ARHGAP42: variants seen among roughly 807,000 people sequenced by gnomAD.
The protein encoded by ARHGAP42 is rho GTPase-activating protein 42.
Under a neutral mutation model 125.0 loss-of-function variants are expected in ARHGAP42, and 63 were observed. The observed-to-expected ratio is 0.50, with a 90% CI of 0.41 to 0.62. The LOEUF is 0.62. Among genes scored for constraint, ARHGAP42 ranks in the 20% least tolerant of loss-of-function variants. ARHGAP42 has a pLI of 0.00. For missense variants in ARHGAP42, 766 were observed against 1,024.2 expected, an observed-to-expected ratio of 0.75 and a Z score of 3.44; for synonymous variants, 339 against 351.0, an observed-to-expected ratio of 0.97 and a Z score of 0.38.
chr11:100,822,420 T>G, intron 3 of ARHGAP42, among the ~76,000 whole-genome samples: 1 of 152,102 alleles, frequency 6.6e-6, no homozygotes, highest in Non-Finnish European at 1.5e-5. Flanking sequence ...TTCTGGTCTC[T>G]TTCTATAATA....
At chr11:100,724,702 C>A (rs1450042149) in intron 1 of ARHGAP42, among the ~76,000 whole-genome samples, 1 of 147,012 alleles carries the variant, frequency 6.8e-6, no homozygotes. Context: ...TTTTTTTTTT[C>A]TTGGTTAGCC....
At chr11:100,856,018 G>A (rs895605701) in intron 3 of ARHGAP42, among the ~76,000 whole-genome samples, 2 of 151,870 alleles carry the variant, frequency 1.3e-5, no homozygotes, top group African/African-American at 4.8e-5. Flanking sequence ...TTTTTCTAAA[G>A]CATCTTAGTA....
chr11:100,846,535 G>A (rs981443478), intron 3 of ARHGAP42, among the ~76,000 whole-genome samples: 1 of 151,972 alleles, frequency 6.6e-6, no homozygotes, highest in Non-Finnish European at 1.5e-5. Flanking sequence ...CAACCAATAA[G>A]CTTATATCAA....
chr11:100,730,269 G>T (rs997782522), intron 1 of ARHGAP42, among the ~76,000 whole-genome samples: 1 of 151,882 alleles, frequency 6.6e-6, no homozygotes, highest in South Asian at 2.1e-4. Context: ...AGTTCAAACT[G>T]CATCATGGTT....
chr11:100,852,429 A>C (rs1865226119), intron 3 of ARHGAP42, among the ~76,000 whole-genome samples: 1 of 152,172 alleles, frequency 6.6e-6, no homozygotes, highest in South Asian at 2.1e-4. Flanking sequence ...TAACAGATGA[A>C]TGATTTTATT....
chr11:100,842,329 A>C (rs192786592), intron 3 of ARHGAP42, among the ~76,000 whole-genome samples: 1 of 152,186 alleles, frequency 6.6e-6, no homozygotes, highest in African/African-American at 2.4e-5. Flanking sequence ...CATTAGTTCA[A>C]ATGAGAACCT....
intron 3 of ARHGAP42, among the ~76,000 whole-genome samples, chr11:100,797,882 A>G (rs1483495129): frequency 6.6e-6 from 1 of 152,174 alleles, no homozygotes; most frequent in Non-Finnish European, 1.5e-5. Flanking sequence ...TTATCACTAG[A>G]AGTTGATTCT....
Position 100,974,550 on chromosome 11 carries a change from C to T in ARHGAP42, c.1802C>T (p.Thr601Ile), listed in dbSNP as rs1156336173. Reference protein sequence around the residue: ...SRRTRAICLSTGSRKPRGRYT... With the variant: ...SRRTRAICLSIGSRKPRGRYT... ...AGGACACGAGCAATCTGCCTCTCTA[C>T]AGGGTCTAGGAAGCCCAGAGGGAGG... The change falls in exon 19 of 24, where the codon ACA becomes ATA. Residue 601 changes from threonine (T) to isoleucine (I), a missense_variant. By Grantham distance (89) the Thr-to-Ile change is moderately conservative (BLOSUM62 -1). Coordinates refer to ENST00000298815, the MANE Select transcript of ARHGAP42 (RefSeq NM_152432.4). The T allele has an allele frequency of 2.6e-6, 4 of 1,551,070 alleles. No individual in the cohort carries two copies. Among genetic ancestry groups the T allele is most frequent in the Middle Eastern group, 1.7e-4 (1 of 5,962 alleles).
chr11:100,917,076 G>A (rs963601450), intron 5 of ARHGAP42, among the ~76,000 whole-genome samples: 7 of 150,818 alleles, frequency 4.6e-5, no homozygotes, highest in Non-Finnish European at 7.4e-5. Context: ...ATTAAACAGT[G>A]GGATTGCAAT....
At position 100,941,815 on chromosome 11, in the gene ARHGAP42, T is replaced by C. The variant is rs201524267; in HGVS notation, c.864T>C (p.Tyr288=). The C allele has an allele frequency of 4.1e-3, 6,264 of 1,535,860 alleles. 49 individuals are homozygous for C. Among genetic ancestry groups the C allele is most frequent in the Non-Finnish European group, 4.2e-3 (4,776 of 1,142,574 alleles). Residue 288 remains tyrosine, a synonymous_variant, in exon 9 of 24, where the codon TAT becomes TAC. Transcript: ENST00000298815. The stretch of plus-strand genomic sequence containing the variant: ...TTGGTTTTACATGGATTAAACATTA[T>C]TGTACATATGATAAGGGAAGTAAAA... ...RPLGFTWIKH[Y]CTYDKGSKTF...
intron 3 of ARHGAP42, among the ~76,000 whole-genome samples, chr11:100,817,874 G>T (rs4754701): frequency 0.48 from 72,979 of 152,024 alleles, 18,421 homozygotes; most frequent in South Asian, 0.62. Flanking sequence ...AGGGCATTGC[G>T]TGAAGTGTTG....
chr11:100,919,104 C>T (rs964907128), intron 5 of ARHGAP42, among the ~76,000 whole-genome samples: 13 of 140,858 alleles, frequency 9.2e-5, no homozygotes, highest in Non-Finnish European at 1.1e-4. Flanking sequence ...GAGTGCTCTC[C>T]CAGTGGAGAC....
intron 3 of ARHGAP42, among the ~76,000 whole-genome samples, chr11:100,800,424 G>A (rs1863822920): frequency 6.6e-6 from 1 of 152,148 alleles, no homozygotes; most frequent in Non-Finnish European, 1.5e-5. Context: ...AGATTAGGAT[G>A]TAGCTGAGCT....
intron 23 of ARHGAP42, 133 bp downstream of exon 23, chr11:100,987,725 T>C (rs1307610360): frequency 2.5e-6 from 2 of 792,728 alleles, no homozygotes; most frequent in African/African-American, 3.4e-5. Flanking sequence ...ATAACGGGCA[T>C]GCATGAACAC....
chr11:100,923,974 T>A (rs1867350481), intron 6 of ARHGAP42, among the ~76,000 whole-genome samples: 1 of 152,150 alleles, frequency 6.6e-6, no homozygotes. Flanking sequence ...ATTTACAAAT[T>A]AATTTGGAGG....
chr11:100,935,146 TTA>T (rs202135763), intron 7 of ARHGAP42, among the ~76,000 whole-genome samples: 124 of 149,422 alleles, frequency 8.3e-4, no homozygotes, highest in Non-Finnish European at 2.3e-4. Context: ...TTTTTTTTTT[TTA>T]AAATGGGGAA....
At chr11:100,881,247 T>C (rs542204755) in intron 4 of ARHGAP42, among the ~76,000 whole-genome samples, 1 of 152,346 alleles carries the variant, frequency 6.6e-6, no homozygotes, top group African/African-American at 2.4e-5. Context: ...TCTTCCATCT[T>C]GAGTTGATCT....
Position 100,992,871 on chromosome 11 carries a change from G to GGGTCTGTT in ARHGAP42, c.*4071_*4072insGTCTGTTG. 2 of 699,468 alleles carry GGGTCTGTT rather than the reference G, an allele frequency of 2.9e-6. No individual in the cohort carries two copies. Among genetic ancestry groups the GGGTCTGTT allele is most frequent in the Non-Finnish European group, 4.6e-6 (2 of 433,908 alleles). 43.3% of individuals were successfully genotyped at this position (699,468 alleles called of 1,614,324 possible). A position where few individuals can be genotyped will look rare whatever the true frequency, so the allele number is the denominator to read the frequency against. On this transcript the variant is annotated 3_prime_UTR_variant, in exon 24 of 24. Coordinates refer to ENST00000298815, the MANE Select transcript of ARHGAP42 (RefSeq NM_152432.4). Reference sequence around the variant, plus strand: ...AGACCAATGATTACAAGGTGTCTGTGGTTTAGGGGGCCCAGCCCATCATTC... The same window carrying GGGTCTGTT: ...AGACCAATGATTACAAGGTGTCTGTGGGTCTGTTGTTTAGGGGGCCCAGCCCATCATTC...
At chr11:100,923,083 T>A (rs929487439) in intron 6 of ARHGAP42, among the ~76,000 whole-genome samples, 1 of 152,188 alleles carries the variant, frequency 6.6e-6, no homozygotes, top group African/African-American at 2.4e-5. Flanking sequence ...GAAGCTCATC[T>A]GGGGCTCATG....
Sources: gnomAD v4.1 joint callset for allele counts (sites outside exome capture counted in the v4.1 genomes callset) on GRCh38, gnomAD v4.1.1 for gene constraint, MANE v1.5 for transcripts, NCBI Gene and HGNC (gene_info 2026-07-23, HGNC 2026-07-21) for gene names.